CAPN8: variants seen among roughly 807,000 people sequenced by gnomAD.
The protein encoded by CAPN8 is calpain-8.
Under a neutral mutation model 80.9 loss-of-function variants are expected in CAPN8, and 87 were observed. The observed-to-expected ratio is 1.07, with a 90% CI of 0.90 to 1.28. CAPN8 has a LOEUF of 1.28. CAPN8 is among the 50% of genes most tolerant of loss of function. CAPN8 has a pLI of 0.00. For synonymous variants in CAPN8, 299 were observed against 273.8 expected (o/e 1.09, Z -0.91); for missense variants, 757 against 702.0 (o/e 1.08, Z -0.89).
chr1:223,664,061 A>T (rs2102743378), intron 1 of CAPN8, among the ~76,000 whole-genome samples: 1 of 152,310 alleles, frequency 6.6e-6, no homozygotes, highest in East Asian at 1.9e-4. Flanking sequence ...CAATTCTCAC[A>T]ACCACTCTGT....
chr1:223,648,543 A>C (rs893591877), intron 2 of CAPN8, among the ~76,000 whole-genome samples: 4 of 152,238 alleles, frequency 2.6e-5, no homozygotes, highest in African/African-American at 9.6e-5. Context: ...AGCGGTGTGC[A>C]TGCCAGGCCC....
At chr1:223,549,417 G>A (rs34606532) in intron 15 of CAPN8, 35 bp from the exon 16 acceptor site, 807,795 of 1,550,480 alleles carry the variant, frequency 0.52, 213,362 homozygotes, top group Admixed American at 0.59. Context: ...AGTGGGAATC[G>A]GATCATTTGA....
At chr1:223,549,932 G>A (rs763847221) in intron 15 of CAPN8, among the ~76,000 whole-genome samples, 5 of 152,204 alleles carry the variant, frequency 3.3e-5, no homozygotes, top group Non-Finnish European at 7.3e-5. Flanking sequence ...TCCCAGAGAG[G>A]TTATATGATT....
chr1:223,644,966 T>A (rs1258232288), intron 2 of CAPN8, among the ~76,000 whole-genome samples: 1 of 152,114 alleles, frequency 6.6e-6, no homozygotes, highest in African/African-American at 2.4e-5. Flanking sequence ...GAGTATTGAT[T>A]CACACGGTCA....
chr1:223,655,274 G>C (rs892189847), intron 1 of CAPN8, among the ~76,000 whole-genome samples: 1 of 152,188 alleles, frequency 6.6e-6, no homozygotes, highest in African/African-American at 2.4e-5. Context: ...TGTATCCTGA[G>C]ATGAGAATTC....
chr1:223,554,956 G>A (rs966751500), intron 13 of CAPN8, among the ~76,000 whole-genome samples: 4 of 152,252 alleles, frequency 2.6e-5, no homozygotes, highest in Admixed American at 6.5e-5. Context: ...AAGACAGAAT[G>A]GAAAAGTGAC....
intron 2 of CAPN8, among the ~76,000 whole-genome samples, chr1:223,632,823 C>G (rs1386054896): frequency 2.6e-5 from 4 of 152,214 alleles, no homozygotes; most frequent in Non-Finnish European, 4.4e-5. Context: ...TTAGTGCTCA[C>G]TCATGCGCTT....
intron 9 of CAPN8, among the ~76,000 whole-genome samples, chr1:223,616,418 G>A (rs1342722696): frequency 1.3e-5 from 2 of 152,268 alleles, no homozygotes; most frequent in Admixed American, 1.3e-4. Flanking sequence ...TGCTTGACTG[G>A]GAATATTCAG....
chr1:223,635,508 A>T (rs1657893495), intron 2 of CAPN8, among the ~76,000 whole-genome samples: 1 of 152,264 alleles, frequency 6.6e-6, no homozygotes, highest in Admixed American at 6.5e-5. Flanking sequence ...CTGGAGGCAG[A>T]CAGTGGGCCT....
intron 14 of CAPN8, among the ~76,000 whole-genome samples, chr1:223,551,783 T>A (rs1204375451): frequency 6.6e-6 from 1 of 152,234 alleles, no homozygotes; most frequent in African/African-American, 2.4e-5. Flanking sequence ...GTCATTTTCA[T>A]GTGACGTAAT....
chr1:223,656,340 GC>G (rs1658488197), intron 1 of CAPN8, among the ~76,000 whole-genome samples: 1 of 151,816 alleles, frequency 6.6e-6, no homozygotes. Context: ...ATGGTGGTGC[GC>G]CCCCGTAATC....
At chr1:223,662,413 C>T (rs1658669673) in intron 1 of CAPN8, among the ~76,000 whole-genome samples, 1 of 151,704 alleles carries the variant, frequency 6.6e-6, no homozygotes, top group Non-Finnish European at 1.5e-5. Flanking sequence ...CGCGCCACTG[C>T]ACTCCAGCCT....
Position 223,620,427 on chromosome 1 carries a change from G to A in CAPN8, c.900-161C>T, listed in dbSNP as rs188675944. Among the ~76,000 whole-genome samples, 310 of 152,312 alleles carry A rather than the reference G, an allele frequency of 2.0e-3. 1 individual carries two copies. Among genetic ancestry groups the A allele is most frequent in the African/African-American group, 7.0e-3 (290 of 41,576 alleles). The stretch of plus-strand genomic sequence containing the variant: ...ATGGACAGTGTGGCGCGAGCACACT[G>A]TCTGGGGAAGGGACACAGACCCAGG... On this transcript the variant is annotated intron_variant, in intron 7 of 20. Transcript: ENST00000366872.
chr1:223,556,882 C>T (rs1343065518), intron 13 of CAPN8, among the ~76,000 whole-genome samples: 1 of 152,218 alleles, frequency 6.6e-6, no homozygotes, highest in African/African-American at 2.4e-5. Context: ...CCACCGTGAG[C>T]GATAAGTCCT....
At chr1:223,637,707 C>T (rs1202168533) in intron 2 of CAPN8, among the ~76,000 whole-genome samples, 2 of 152,128 alleles carry the variant, frequency 1.3e-5, no homozygotes, top group African/African-American at 2.4e-5. Context: ...TCACCATGTG[C>T]GGGGCCATCT....
chr1:223,610,265 C>T (rs992309740), intron 11 of CAPN8, among the ~76,000 whole-genome samples: 1 of 152,164 alleles, frequency 6.6e-6, no homozygotes, highest in African/African-American at 2.4e-5. Context: ...GTCATCAGAC[C>T]CTCTTTGGAT....
chr1:223,543,357 G>A (rs1176969690), intron 19 of CAPN8, among the ~76,000 whole-genome samples, 191 bp from the exon 20 acceptor site: 1 of 139,810 alleles, frequency 7.2e-6, no homozygotes, highest in African/African-American at 2.6e-5. Context: ...ATGAGCTTTT[G>A]GGGGATCAGA....
chr1:223,541,824 C>T lies in CAPN8; in HGVS notation c.*12G>A, dbSNP rs767609281. On this transcript the variant is annotated 3_prime_UTR_variant, in exon 21 of 21. Transcript: ENST00000366872. ...TGGGGCAGGGAGTGTCACTGATGTC[C>T]GAAACCCCGGGTCAGACCAACACGC... is the stretch of plus-strand genomic sequence containing the variant. 35 of 1,551,236 alleles carry T rather than the reference C, an allele frequency of 2.3e-5. 1 individual carries two copies. The highest frequency in any genetic ancestry group is 1.7e-4 in the Middle Eastern group (1 of 5,960).
intron 2 of CAPN8, among the ~76,000 whole-genome samples, chr1:223,634,696 G>C (rs187358287): frequency 3.3e-4 from 51 of 152,244 alleles, no homozygotes; most frequent in Non-Finnish European, 5.6e-4. Flanking sequence ...GTCCTCAAAC[G>C]GCAGAAGGGG....
Sources: gnomAD v4.1 joint callset for allele counts (sites outside exome capture counted in the v4.1 genomes callset) on GRCh38, gnomAD v4.1.1 for gene constraint, MANE v1.5 for transcripts, NCBI Gene and HGNC (gene_info 2026-07-23, HGNC 2026-07-21) for gene names.